DLC1: variants seen among roughly 807,000 people sequenced by gnomAD.
DLC1 encodes rho GTPase-activating protein 7.
DLC1 carries 54 observed loss-of-function variants against 140.3 expected under a neutral mutation model. The observed-to-expected ratio is 0.38, with a 90% CI of 0.31 to 0.48. The LOEUF is 0.48. Among genes scored for constraint, DLC1 ranks in the 20% least tolerant of loss-of-function variants. DLC1 has a pLI of 0.96. For missense variants in DLC1, 2,536 were observed against 1,907.0 expected (o/e 1.33, Z -6.14); for synonymous variants, 986 against 728.1 (o/e 1.35, Z -5.70).
intron 2 of DLC1, among the ~76,000 whole-genome samples, chr8:13,474,942 C>G (rs942452523): frequency 6.6e-6 from 1 of 152,122 alleles, no homozygotes; most frequent in Non-Finnish European, 1.5e-5. Context: ...GGACTGTGGA[C>G]TTTTCAGTTA....
At chr8:13,463,821 A>G (rs1477534973) in intron 2 of DLC1, among the ~76,000 whole-genome samples, 1 of 152,198 alleles carries the variant, frequency 6.6e-6, no homozygotes, top group Non-Finnish European at 1.5e-5. Flanking sequence ...TGTTAGGGAA[A>G]GAGGACCATC....
Position 13,600,802 on chromosome 8 carries a change from T to C in DLC1, c.-126+3735A>G, listed in dbSNP as rs188959906. 3.9e-5 allele frequency among the ~76,000 whole-genome samples: 6 copies of C among 151,964 alleles called. No individual in the cohort carries two copies. The East Asian group carries it at 9.7e-4, about 25-fold the overall frequency. On this transcript the variant is annotated intron_variant, in intron 1 of 1. Transcript: ENST00000631382. ...TCCTTCTCAGTTTTATTTTCAGAAA[T>C]ATACAAGTGTAGATTTATAAGCAAA...
At chr8:13,451,255 G>A (rs375860) in intron 2 of DLC1, among the ~76,000 whole-genome samples, 5,840 of 151,756 alleles carry the variant, frequency 0.038, 387 homozygotes, top group African/African-American at 0.13. Flanking sequence ...TACATAGTAG[G>A]TGTATATATT....
At position 13,522,074 on chromosome 8, in the gene DLC1, C is replaced by T. The variant is rs74741774; in HGVS notation, c.-125-21878G>A. Reference sequence around the variant, plus strand: ...TGGAAGAGATATTTTTTCAAGGTTACGAGCCTTTGTCAGAACTTTATACCT... The same window carrying T: ...TGGAAGAGATATTTTTTCAAGGTTATGAGCCTTTGTCAGAACTTTATACCT... On this transcript the variant is annotated intron_variant, in intron 1 of 1. Coordinates refer to the DLC1 transcript ENST00000631382. 2.5e-3 allele frequency among the ~76,000 whole-genome samples: 379 copies of T among 152,146 alleles called. 15 individuals carry two copies. In the East Asian group the frequency reaches 0.065, roughly 26 times the overall value.
chr8:13,099,612 T>C lies in DLC1; in HGVS notation c.2725A>G (p.Ile909Val), dbSNP rs747814419. 2.0e-5 allele frequency: 32 copies of C among 1,614,070 alleles called. No individual in the cohort carries two copies. The highest frequency in any genetic ancestry group is 2.5e-5 in the Non-Finnish European group (30 of 1,180,038). Residue 909 changes from isoleucine (I) to valine (V), a missense_variant, in exon 9 of 18, where the codon ATC (isoleucine) becomes GTC (valine). Transcript: ENST00000276297. ...TGCATCCCCTTCACGTGGTAGAGGA[T>C]GTCGTCCAGCTCGGGGAAGATGTCC... The part of the protein sequence containing the change: ...NEDIFPELDD[I>V]LYHVKGMQRI...
intron 5 of DLC1, among the ~76,000 whole-genome samples, chr8:13,268,736 C>T (rs1366276379): frequency 1.3e-5 from 2 of 151,928 alleles, no homozygotes; most frequent in Admixed American, 6.6e-5. Flanking sequence ...GAAATTCTGA[C>T]TTCTTTTTGT....
intron 4 of DLC1, among the ~76,000 whole-genome samples, chr8:13,352,489 C>G (rs1298068931): frequency 6.6e-6 from 1 of 152,026 alleles, no homozygotes; most frequent in African/African-American, 2.4e-5. Context: ...TCAAGCAGTC[C>G]TCCCACCTCG....
intron 5 of DLC1, among the ~76,000 whole-genome samples, chr8:13,157,407 A>T (rs1324287624): frequency 3.3e-5 from 5 of 152,218 alleles, no homozygotes; most frequent in Non-Finnish European, 7.3e-5. Context: ...TTTTTGTAAG[A>T]GAGAGCCTGC....
intron 2 of DLC1, among the ~76,000 whole-genome samples, chr8:13,485,638 G>A (rs549060502): frequency 1.8e-4 from 27 of 152,250 alleles, no homozygotes; most frequent in Admixed American, 2.6e-4. Flanking sequence ...ATGGAAAGAC[G>A]TATGTGAAAG....
chr8:13,315,980 G>C (rs10110398), intron 4 of DLC1, among the ~76,000 whole-genome samples: 5,200 of 152,230 alleles, frequency 0.034, 320 homozygotes, highest in African/African-American at 0.12. Flanking sequence ...CTTTAATATA[G>C]GGTTAAATCT....
At chr8:13,405,924 T>TC (rs983377520) in intron 2 of DLC1, among the ~76,000 whole-genome samples, 1 of 113,716 alleles carries the variant, frequency 8.8e-6, no homozygotes, top group Non-Finnish European at 1.9e-5. Flanking sequence ...TTCTTTTCTT[T>TC]CTTTCTTTCT....
At chr8:13,325,005 C>T (rs182267452) in intron 4 of DLC1, among the ~76,000 whole-genome samples, 50 of 152,270 alleles carry the variant, frequency 3.3e-4, no homozygotes, top group Middle Eastern at 3.4e-3. Context: ...TGCTAAAATA[C>T]GTCCCAAGTT....
chr8:13,506,548 C>CAA (rs1306239675), intron 1 of DLC1, among the ~76,000 whole-genome samples: 2 of 91,830 alleles, frequency 2.2e-5, no homozygotes, highest in African/African-American at 8.5e-5. Flanking sequence ...CACATGGACA[C>CAA]ACACACACAC....
At chr8:13,493,716 G>C (rs909620777) in intron 2 of DLC1, among the ~76,000 whole-genome samples, 1 of 151,946 alleles carries the variant, frequency 6.6e-6, no homozygotes, top group Non-Finnish European at 1.5e-5. Context: ...TCTTTAAATA[G>C]TTCCTTTCCT....
At chr8:13,344,737 T>C (rs1405338919) in intron 4 of DLC1, among the ~76,000 whole-genome samples, 1 of 152,178 alleles carries the variant, frequency 6.6e-6, no homozygotes, top group African/African-American at 2.4e-5. Context: ...GACTGAACGA[T>C]TAGGAAAGCA....
intron 1 of DLC1, among the ~76,000 whole-genome samples, chr8:13,540,469 C>T (rs1017910123): frequency 5.9e-5 from 9 of 152,096 alleles, no homozygotes; most frequent in Admixed American, 3.3e-4. Flanking sequence ...AGGTTATTAA[C>T]GTCCGATATT....
Position 13,280,991 on chromosome 8 carries a change from C to A in DLC1, c.1348+24278G>T, listed in dbSNP as rs1308713252. 1.3e-5 allele frequency among the ~76,000 whole-genome samples: 2 copies of A among 152,194 alleles called. 1 individual carries two copies. Among genetic ancestry groups the A allele is most frequent in the Non-Finnish European group, 2.9e-5 (2 of 68,038 alleles). ...AATATATCTCCCTAAAATGCTGTAA[C>A]TCCACAGAAGATCTTCTCCACTGTG... On this transcript the variant is annotated intron_variant, in intron 5 of 17. Coordinates refer to ENST00000276297, the MANE Select transcript of DLC1 (RefSeq NM_182643.3).
At chr8:13,553,131 G>A (rs1183083925) in intron 1 of DLC1, among the ~76,000 whole-genome samples, 1 of 147,696 alleles carries the variant, frequency 6.8e-6, no homozygotes, top group East Asian at 2.0e-4. Flanking sequence ...GGTCACTAGT[G>A]TGCTATTGAT....
chr8:13,459,899 G>T (rs1484801096), intron 2 of DLC1, among the ~76,000 whole-genome samples: 1 of 152,180 alleles, frequency 6.6e-6, no homozygotes, highest in Non-Finnish European at 1.5e-5. Flanking sequence ...AGGGTGGCCT[G>T]GTGACACGCC....
Sources: gnomAD v4.1 joint callset for allele counts (sites outside exome capture counted in the v4.1 genomes callset) on GRCh38, gnomAD v4.1.1 for gene constraint, MANE v1.5 for transcripts, NCBI Gene and HGNC (gene_info 2026-07-23, HGNC 2026-07-21) for gene names.